Variants in BCORL1 observed in about 807,000 individuals in gnomAD.
BCORL1 encodes BCL6 corepressor like 1, also known as BCL-6 corepressor-like protein 1.
BCORL1 carries 7 observed loss-of-function variants against 87.6 expected under a neutral mutation model. That is an observed-to-expected ratio of 0.08 (90% CI 0.05 to 0.15). The LOEUF is 0.15. BCORL1 is among the 10% of genes least tolerant of loss of function. The probability of loss-of-function intolerance (pLI) is 1.00; values close to 1 mark genes in which losing one functional copy is unlikely to be tolerated. For missense variants in BCORL1, 1,215 were observed against 1,499.7 expected (o/e 0.81, Z 3.13); for synonymous variants, 591 against 634.4 (o/e 0.93, Z 1.03).
chrX:130,039,726 CTGG>C (rs1931204178), intron 11 of BCORL1, among the ~76,000 whole-genome samples: 1 of 113,127 alleles, frequency 8.8e-6, no homozygotes, highest in African/African-American at 3.2e-5. Flanking sequence ...AGTGGAACCC[CTGG>C]GATGCTTCCC....
intron 1 of BCORL1, among the ~76,000 whole-genome samples, chrX:129,986,428 A>G (rs188038943): frequency 6.2e-5 from 7 of 112,067 alleles, no homozygotes; most frequent in Non-Finnish European, 1.3e-4. Context: ...GCGTAGATAA[A>G]GAGGGAGGAT....
chrX:130,025,412 G>A (rs201425822), intron 7 of BCORL1, 33 bp downstream of exon 7: 197 of 1,115,571 alleles, frequency 1.8e-4, no homozygotes, highest in South Asian at 2.2e-4. Flanking sequence ...CTGTCGCCGC[G>A]GCCCGTTTGG....
chrX:129,987,436 C>G (rs1327170109), intron 1 of BCORL1, among the ~76,000 whole-genome samples: 1 of 111,597 alleles, frequency 9.0e-6, no homozygotes, highest in Non-Finnish European at 1.9e-5. Flanking sequence ...CTGAGAGGGC[C>G]CAGGAAGCAG....
At position 130,025,342 on chromosome X, in the gene BCORL1, A is replaced by C; in HGVS notation, c.4041A>C (p.Thr1347=). 5 of 1,158,274 alleles carry C rather than the reference A, an allele frequency of 4.3e-6. No individual in the cohort carries two copies. Among genetic ancestry groups the C allele is most frequent in the Non-Finnish European group, 4.6e-6 (4 of 870,263 alleles). The part of the protein sequence containing the change: ...SRKYQTGEYL[T]EQEDEQRRKG... Reference sequence around the variant, plus strand: ...AATATCAGACTGGGGAGTACCTGACAGAGCAAGAAGACGAGCAGCGGCGGA... The same window carrying C: ...AATATCAGACTGGGGAGTACCTGACCGAGCAAGAAGACGAGCAGCGGCGGA... Residue 1347 remains threonine (T), a synonymous_variant, in exon 7 of 14, where the codon ACA becomes ACC. Coordinates refer to ENST00000540052, the MANE Select transcript of BCORL1 (RefSeq NM_001379451.1).
intron 13 of BCORL1, among the ~76,000 whole-genome samples, chrX:130,052,506 CTG>C (rs887965886): frequency 8.9e-6 from 1 of 112,587 alleles, no homozygotes; most frequent in Non-Finnish European, 1.9e-5. Flanking sequence ...GCCTAGATGA[CTG>C]TGCATATTAT....
chrX:130,047,911 A>T (rs949616986), intron 11 of BCORL1, among the ~76,000 whole-genome samples: 2 of 112,053 alleles, frequency 1.8e-5, no homozygotes, highest in African/African-American at 3.2e-5. Flanking sequence ...GGCTAGGCAC[A>T]GAAGACACAC....
intron 11 of BCORL1, among the ~76,000 whole-genome samples, chrX:130,043,811 G>A (rs1321262326): frequency 8.9e-5 from 5 of 56,423 alleles, no homozygotes; most frequent in Non-Finnish European, 1.4e-4. Context: ...TTTTTGAGAC[G>A]GAGGCTGGAA....
intron 13 of BCORL1, among the ~76,000 whole-genome samples, chrX:130,055,332 G>C (rs1192417895): frequency 2.7e-5 from 3 of 112,683 alleles, no homozygotes; most frequent in African/African-American, 9.7e-5. Flanking sequence ...AATGCCTTTT[G>C]GATTACCCGC....
intron 13 of BCORL1, among the ~76,000 whole-genome samples, chrX:130,054,167 GATTT>G (rs1305951565): frequency 8.9e-6 from 1 of 112,082 alleles, no homozygotes; most frequent in Non-Finnish European, 1.9e-5. Context: ...GTCCTAAGCA[GATTT>G]ATTATAAAAA....
rs765745455 is a variant in BCORL1, at chrX:130,049,218, A to G, written c.4841-1499A>G. Among the ~76,000 whole-genome samples the G allele has an allele frequency of 6.2e-5, 7 of 112,401 alleles. No homozygotes were observed. The South Asian group carries it at 2.6e-3, about 41-fold the overall frequency. On this transcript the variant is annotated intron_variant, in intron 11 of 13. Transcript: ENST00000540052. ...GCTGTGTTTTACCTTTTGAGGAACG[A>G]CCAAACTTTTCCACAGCAGCTGAAC...
At chrX:130,051,278 C>G (rs185242192) in intron 12 of BCORL1, among the ~76,000 whole-genome samples, 1 of 112,999 alleles carries the variant, frequency 8.8e-6, no homozygotes, top group East Asian at 2.8e-4. Flanking sequence ...GACCAGCAGG[C>G]CTTTATCCAT....
At chrX:130,049,988 G>A (rs1350136151) in intron 11 of BCORL1, among the ~76,000 whole-genome samples, 2 of 111,397 alleles carry the variant, frequency 1.8e-5, no homozygotes, top group Non-Finnish European at 3.8e-5. Context: ...GGGGAGTGGC[G>A]AATTGGAGCC....
chrX:129,983,981 C>A (rs1207145611), intron 1 of BCORL1, among the ~76,000 whole-genome samples: 1 of 108,881 alleles, frequency 9.2e-6, no homozygotes, highest in Non-Finnish European at 1.9e-5. Flanking sequence ...AGGGCTCCCC[C>A]ACCCCGGGTC....
intron 8 of BCORL1, among the ~76,000 whole-genome samples, chrX:130,031,242 C>T (rs757367124): frequency 1.8e-5 from 2 of 112,818 alleles, no homozygotes; most frequent in Non-Finnish European, 3.8e-5. Flanking sequence ...ATCCTCCTGG[C>T]GATAAAGCAG....
chrX:130,016,059 T>G lies in BCORL1; in HGVS notation c.3287T>G (p.Val1096Gly). The change falls in exon 4 of 14, where the codon GTA becomes GGA. Residue 1096 changes from valine (V) to glycine (G), a missense_variant. Val to Gly is a moderately radical substitution (Grantham distance 109). This residue lies in a region of BCORL1 where 861 missense variants were observed against 1,010.0 expected (regional missense o/e 0.85). Coordinates refer to ENST00000540052, the MANE Select transcript of BCORL1 (RefSeq NM_001379451.1). ...AGQARVKQES[V>G]GVFACKNKWQ... Reference sequence around the variant, plus strand: ...CAGGCTCGAGTGAAACAGGAAAGCGTAGGGGTCTTTGCTTGCAAGAACAAG... The same window carrying G: ...CAGGCTCGAGTGAAACAGGAAAGCGGAGGGGTCTTTGCTTGCAAGAACAAG... 1 of 1,211,006 alleles carries G rather than the reference T, an allele frequency of 8.3e-7. No individual in the cohort carries two copies.
rs890351825 is a variant in BCORL1 at position 130,015,627 on chromosome X, A to G, written c.2855A>G (p.Glu952Gly). 4 of 1,211,997 alleles carry G rather than the reference A, an allele frequency of 3.3e-6. No homozygotes were observed. The highest frequency in any genetic ancestry group is 3.0e-5 in the East Asian group (1 of 33,862). The part of the protein sequence containing the change: ...GDIRMNQGPE[E>G]SESHLCSDST... Reference sequence around the variant, plus strand: ...ATTCGAATGAATCAGGGGCCTGAGGAATCAGAGAGCCACCTCTGCTCTGAC... The same window carrying G: ...ATTCGAATGAATCAGGGGCCTGAGGGATCAGAGAGCCACCTCTGCTCTGAC... Residue 952 changes from glutamate to glycine, a missense_variant, in exon 4 of 14, where the codon GAA (glutamate) becomes GGA (glycine). By Grantham distance (98) the Glu-to-Gly change is moderately conservative. Transcript: ENST00000540052.
intron 11 of BCORL1, among the ~76,000 whole-genome samples, chrX:130,041,380 T>G (rs770476541): frequency 7.2e-5 from 8 of 111,160 alleles, no homozygotes; most frequent in South Asian, 3.8e-4. Flanking sequence ...CTTTTGGTTT[T>G]GTTTTGTTTT....
At position 130,051,916 on chromosome X, in the gene BCORL1, CAAG is replaced by C. The variant is rs1280968726; in HGVS notation, c.4979_4981del (p.Glu1660del). 1.1e-5 allele frequency: 13 copies of C among 1,208,704 alleles called. No homozygotes were observed. Among genetic ancestry groups the C allele is most frequent in the East Asian group, 3.0e-5 (1 of 33,802 alleles). Reference sequence around the variant, plus strand: ...ACATAATCCTCCTGGGAGCTCAGATCAAGAAGGAGACGATCCGATGGAGGAGGA... The same window carrying C: ...ACATAATCCTCCTGGGAGCTCAGATCAAGGAGACGATCCGATGGAGGAGGA... On this transcript the variant is annotated inframe_deletion, in exon 13 of 14. Coordinates refer to ENST00000540052, the MANE Select transcript of BCORL1 (RefSeq NM_001379451.1).
At chrX:130,000,045 G>GTTTTGT (rs1211566502) in intron 1 of BCORL1, among the ~76,000 whole-genome samples, 1 of 109,766 alleles carries the variant, frequency 9.1e-6, no homozygotes, top group African/African-American at 3.3e-5. Context: ...GGCTGAGCTG[G>GTTTTGT]TTTTGTTTTT....
Sources: gnomAD v4.1 joint callset for allele counts (sites outside exome capture counted in the v4.1 genomes callset) on GRCh38, gnomAD v4.1.1 for gene constraint, gnomAD v4.1.1 regional missense constraint, MANE v1.5 for transcripts, NCBI Gene and HGNC (gene_info 2026-07-23, HGNC 2026-07-21) for gene names.